Variants in SIN3A observed in about 807,000 individuals in gnomAD.
SIN3A encodes the protein paired amphipathic helix protein Sin3a.
SIN3A carries 14 observed loss-of-function variants against 146.1 expected under a neutral mutation model. That is an observed-to-expected ratio of 0.10 (90% confidence interval 0.06 to 0.15). The LOEUF is 0.15. Among genes scored for constraint, SIN3A ranks in the 10% least tolerant of loss-of-function variants. The pLI, the probability that SIN3A is intolerant of heterozygous loss-of-function variation, is 1.00. For synonymous variants in SIN3A, 572 were observed against 572.0 expected, an observed-to-expected ratio of 1.00 and a Z score of 0.00; for missense variants, 1,028 against 1,576.0, an observed-to-expected ratio of 0.65 and a Z score of 5.89.
At chr15:75,454,988 G>T (rs554690147), upstream of SIN3A, 50 of 152,166 alleles carry the variant, frequency 3.3e-4, no homozygotes, top group African/African-American at 1.2e-3. Flanking sequence ...TGGAGACCCG[G>T]CAGCTCGCAG....
intron 16 of SIN3A, among the ~76,000 whole-genome samples, chr15:75,385,580 A>G (rs561098697): frequency 6.6e-6 from 1 of 152,390 alleles, no homozygotes; most frequent in South Asian, 2.1e-4. Flanking sequence ...TCAAAATGAC[A>G]GAAGTGAAAA....
chr15:75,439,638 C>T (rs1012109870), intron 1 of SIN3A, among the ~76,000 whole-genome samples: 2 of 152,032 alleles, frequency 1.3e-5, no homozygotes, highest in Non-Finnish European at 2.9e-5. Flanking sequence ...AGCCACCGCA[C>T]CCGGCCATCA....
At chr15:75,386,225 G>T (rs1272857969) in intron 16 of SIN3A, among the ~76,000 whole-genome samples, 1 of 152,092 alleles carries the variant, frequency 6.6e-6, no homozygotes, top group Non-Finnish European at 1.5e-5. Flanking sequence ...ACGGGGTTTT[G>T]CCATGTTGCC....
chr15:75,400,246 G>A, intron 11 of SIN3A, 90 bp from the exon 12 acceptor site: 1 of 715,388 alleles, frequency 1.4e-6, no homozygotes, highest in Non-Finnish European at 2.5e-6. Context: ...AACTCTAGCA[G>A]AGAAATAGGC....
At chr15:75,439,858 AT>A (rs2074171962) in intron 1 of SIN3A, among the ~76,000 whole-genome samples, 1 of 151,970 alleles carries the variant, frequency 6.6e-6, no homozygotes, top group Non-Finnish European at 1.5e-5. Context: ...ATCTGTAAAA[AT>A]TAAAAATAAC....
rs774409419 is a variant in SIN3A at position 75,384,347 on chromosome 15, T to C, written c.3112A>G (p.Asn1038Asp). The C allele has an allele frequency of 1.4e-5, 23 of 1,613,690 alleles. No homozygotes were observed. Among genetic ancestry groups the C allele is most frequent in the Non-Finnish European group, 1.9e-5 (23 of 1,179,740 alleles). ...AGGAGGCTCCTTGAGTTCTGTGTGT[T>C]CAGCTGGCCTCCGGTGGCCCCATTA... is the stretch of plus-strand genomic sequence containing the variant. ...NNNGATGGQL[N>D]TQNSRSLLES... Residue 1038 changes from asparagine (N) to aspartate (D), a missense_variant, in exon 17 of 21, where the codon AAC becomes GAC. Transcript: ENST00000394947.
chr15:75,393,595 G>A (rs1034249733), intron 14 of SIN3A, among the ~76,000 whole-genome samples: 5 of 152,080 alleles, frequency 3.3e-5, no homozygotes, highest in East Asian at 1.9e-4. Context: ...GGCTGGTTTC[G>A]AACTTCTGGC....
At chr15:75,419,880 C>T (rs949775599) in intron 3 of SIN3A, 1 of 152,014 alleles carries the variant, frequency 6.6e-6, no homozygotes, top group Non-Finnish European at 1.5e-5. Flanking sequence ...TTTAAAAACT[C>T]TGCATGACAC....
At chr15:75,440,198 ATTAC>A (rs1253188357) in intron 1 of SIN3A, among the ~76,000 whole-genome samples, 2 of 151,808 alleles carry the variant, frequency 1.3e-5, no homozygotes, top group African/African-American at 2.4e-5. Context: ...CCATATCGTT[ATTAC>A]TTACTATTTT....
chr15:75,431,599 T>G (rs1447711545), intron 1 of SIN3A, among the ~76,000 whole-genome samples: 2 of 151,814 alleles, frequency 1.3e-5, no homozygotes, highest in Non-Finnish European at 2.9e-5. Context: ...AAATTTACAG[T>G]AATAGTGGGA....
At chr15:75,403,063 T>C (rs2073440862) in intron 9 of SIN3A, among the ~76,000 whole-genome samples, 1 of 152,176 alleles carries the variant, frequency 6.6e-6, no homozygotes, top group South Asian at 2.1e-4. Context: ...CTGGCTAGAA[T>C]TGGGAACCGC....
chr15:75,381,716 G>A lies in SIN3A; in HGVS notation c.3196-11C>T, dbSNP rs2072974650. 1 of 1,606,944 alleles carries A rather than the reference G, an allele frequency of 6.2e-7. No homozygotes were observed. The highest frequency in any genetic ancestry group is 8.5e-7 in the Non-Finnish European group (1 of 1,173,828). ...CTGAATAAACATAAGCTGCAAATAA[G>A]AAACCTAAGCGTAAACAAAAGACCG... On this transcript the variant is annotated splice_polypyrimidine_tract_variant and intron_variant, in intron 17 of 20. Coordinates refer to ENST00000394947, the MANE Select transcript of SIN3A (RefSeq NM_001145358.2).
chr15:75,379,646 C>CT (rs1225837655), intron 19 of SIN3A, among the ~76,000 whole-genome samples: 5 of 152,222 alleles, frequency 3.3e-5, no homozygotes, highest in Admixed American at 6.5e-5. Context: ...GCTGGTATCT[C>CT]TTTTCCCATG....
intron 19 of SIN3A, chr15:75,376,222 T>G (rs1021023115): frequency 3.7e-6 from 1 of 273,086 alleles, no homozygotes. Context: ...TACTATATAT[T>G]TTGTCCTCAA....
upstream of SIN3A, among the ~76,000 whole-genome samples, chr15:75,452,436 CA>C (rs954514439): frequency 5.9e-5 from 9 of 151,866 alleles, no homozygotes; most frequent in African/African-American, 2.2e-4. Flanking sequence ...GACTCCCTCA[CA>C]AAAAAAATGA....
At chr15:75,403,747 T>C (rs1325885612) in intron 9 of SIN3A, among the ~76,000 whole-genome samples, 1 of 152,100 alleles carries the variant, frequency 6.6e-6, no homozygotes, top group Non-Finnish European at 1.5e-5. Flanking sequence ...GGTTTCACCA[T>C]GTTGGCCAGG....
chr15:75,373,234 C>T (rs1471185775), intron 20 of SIN3A, among the ~76,000 whole-genome samples: 3 of 152,116 alleles, frequency 2.0e-5, no homozygotes, highest in African/African-American at 7.2e-5. Context: ...AAAAATGAGC[C>T]AGGTGTGGTG....
At chr15:75,454,394 A>G, upstream of SIN3A, among the ~76,000 whole-genome samples, 1 of 152,018 alleles carries the variant, frequency 6.6e-6, no homozygotes, top group African/African-American at 2.4e-5. Flanking sequence ...GGCGGAGTAG[A>G]TAGTAAACAG....
intron 15 of SIN3A, among the ~76,000 whole-genome samples, chr15:75,391,990 C>A (rs2073212599): frequency 6.6e-6 from 1 of 152,186 alleles, no homozygotes; most frequent in South Asian, 2.1e-4. Flanking sequence ...GTGATACCCC[C>A]TTCCCAGGTG....
Sources: allele counts gnomAD v4.1 joint callset (sites outside exome capture counted in the v4.1 genomes callset), GRCh38; gene constraint gnomAD v4.1.1; transcripts MANE v1.5; gene names NCBI Gene and HGNC (gene_info 2026-07-23, HGNC 2026-07-21).